The following NAALADL2 variants were observed in gnomAD, a reference collection of about 807,000 sequenced individuals.
NAALADL2 encodes the protein N-acetylated alpha-linked acidic dipeptidase like 2.
NAALADL2 carries 76 observed loss-of-function variants against 87.2 expected under a neutral mutation model. The ratio of observed to expected loss-of-function variants is 0.87; its 90% CI spans 0.72 to 1.05. The LOEUF (loss-of-function observed/expected upper bound fraction) is 1.05, where lower values mean the gene tolerates loss of function less well. Among genes scored for constraint, NAALADL2 ranks in the 50% least tolerant of loss-of-function variants. The pLI, the probability that NAALADL2 is intolerant of heterozygous loss-of-function variation, is 0.00. For synonymous variants in NAALADL2, 354 were observed against 331.0 expected, an observed-to-expected ratio of 1.07 and a Z score of -0.75; for missense variants, 1,089 against 945.8, an observed-to-expected ratio of 1.15 and a Z score of -1.99.
rs1413213261 is a variant in NAALADL2, at chr3:174,508,118, T to TTTTTTTTTTGTTTG, written c.-183-42442_-183-42441insGTTTGTTTTTTTTT. Among the ~76,000 whole-genome samples, 4 of 141,374 alleles carry TTTTTTTTTTGTTTG rather than the reference T, an allele frequency of 2.8e-5. 1 individual carries two copies. Among genetic ancestry groups the TTTTTTTTTTGTTTG allele is most frequent in the African/African-American group, 1.1e-4 (4 of 38,088 alleles). 92.7% of individuals were successfully genotyped at this position (141,374 alleles called of 152,430 possible). A position where few individuals can be genotyped will look rare whatever the true frequency, so the allele number is the denominator to read the frequency against. On this transcript the variant is annotated intron_variant, in intron 1 of 3. Transcript: ENST00000434257. ...TTAGCTATTGGATATCTAGTGGTTT[T>TTTTTTTTTTGTTTG]TTTTTTTTTTTTTGAGACGAAGTCT...
chr3:174,550,317 G>T (rs189907450), intron 1 of NAALADL2, among the ~76,000 whole-genome samples: 14 of 151,900 alleles, frequency 9.2e-5, no homozygotes, highest in African/African-American at 3.4e-4. Context: ...TAAAAAATAT[G>T]GGGAAAAATC....
At chr3:175,059,829 TG>T in intron 1 of NAALADL2, 1 of 313,120 alleles carries the variant, frequency 3.2e-6, no homozygotes, top group East Asian at 9.8e-5. Context: ...CCTGGAAGGC[TG>T]GCCTTTTCTT....
chr3:175,218,133 T>C (rs1216407636), intron 2 of NAALADL2: 1 of 446,420 alleles, frequency 2.2e-6, no homozygotes. Flanking sequence ...GGTAATCAGC[T>C]TATTATTTAT....
intron 5 of NAALADL2, among the ~76,000 whole-genome samples, chr3:175,389,281 T>C (rs1581691211): frequency 6.6e-6 from 1 of 152,182 alleles, no homozygotes; most frequent in Non-Finnish European, 1.5e-5. Context: ...AATTTTATTA[T>C]TTTTAAATTC....
At chr3:175,771,365 T>C (rs1276092329) in intron 13 of NAALADL2, among the ~76,000 whole-genome samples, 1 of 152,190 alleles carries the variant, frequency 6.6e-6, no homozygotes, top group Non-Finnish European at 1.5e-5. Context: ...ATTTTACTTA[T>C]TTCATAAAAT....
chr3:175,264,992 T>A (rs1560257579), intron 4 of NAALADL2, among the ~76,000 whole-genome samples: 1 of 151,730 alleles, frequency 6.6e-6, no homozygotes, highest in East Asian at 1.9e-4. Flanking sequence ...AATAATATAA[T>A]ACATGTAAGT....
At chr3:175,182,550 G>GTT (rs1161831796) in intron 2 of NAALADL2, among the ~76,000 whole-genome samples, 767 of 69,458 alleles carry the variant, frequency 0.011, 125 homozygotes, top group African/African-American at 0.032. Context: ...ACCACAGCCA[G>GTT]TTTTTTTTTT....
At chr3:175,474,250 A>C (rs957029287) in intron 9 of NAALADL2, among the ~76,000 whole-genome samples, 4 of 152,216 alleles carry the variant, frequency 2.6e-5, no homozygotes, top group Non-Finnish European at 5.9e-5. Context: ...AAAAGATTTC[A>C]TCAAGTTCAT....
At chr3:175,480,067 C>A (rs915400483) in intron 9 of NAALADL2, among the ~76,000 whole-genome samples, 2 of 151,384 alleles carry the variant, frequency 1.3e-5, no homozygotes, top group South Asian at 4.2e-4. Flanking sequence ...TAAAGTAATT[C>A]ATTCATAAAT....
At position 175,255,264 on chromosome 3, in the gene NAALADL2, T is replaced by C. The variant is rs545569096; in HGVS notation, c.820-1147T>C. On this transcript the variant is annotated intron_variant, in intron 3 of 13. Transcript: ENST00000454872. Reference sequence around the variant, plus strand: ...GAAGAAATATTTCATGCCAGAAATATTTTCTCTAACAGATTTACAGATCTC... The same window carrying C: ...GAAGAAATATTTCATGCCAGAAATACTTTCTCTAACAGATTTACAGATCTC... Among the ~76,000 whole-genome samples the C allele has an allele frequency of 2.6e-5, 4 of 152,318 alleles. No individual in the cohort carries two copies. In the South Asian group the frequency reaches 8.3e-4, roughly 32 times the overall value.
intron 9 of NAALADL2, among the ~76,000 whole-genome samples, chr3:175,545,715 A>T (rs912688768): frequency 6.6e-6 from 1 of 152,184 alleles, no homozygotes; most frequent in African/African-American, 2.4e-5. Flanking sequence ...GCTTAATAAA[A>T]GTTGAACCAA....
intron 1 of NAALADL2, among the ~76,000 whole-genome samples, chr3:175,024,426 G>A (rs116131688): frequency 2.5e-3 from 377 of 152,106 alleles, no homozygotes; most frequent in African/African-American, 8.4e-3. Context: ...AGGGCAAAGC[G>A]GATGCTTTGT....
chr3:175,466,931 T>G (rs1365365696), intron 7 of NAALADL2, 48 bp from the exon 8 acceptor site: 2 of 1,402,036 alleles, frequency 1.4e-6, no homozygotes. Context: ...AAATTTATTG[T>G]TAAGGTTTAC....
intron 5 of NAALADL2, among the ~76,000 whole-genome samples, chr3:175,392,928 A>G (rs1438910022): frequency 6.6e-6 from 1 of 152,176 alleles, no homozygotes; most frequent in Non-Finnish European, 1.5e-5. Context: ...AAGACTACAA[A>G]TCAAAATCTT....
chr3:175,645,809 G>A (rs1729930892), intron 11 of NAALADL2, among the ~76,000 whole-genome samples: 2 of 152,038 alleles, frequency 1.3e-5, no homozygotes, highest in Non-Finnish European at 2.9e-5. Context: ...CAGTGTGAAA[G>A]GGTTCTAAAA....
rs981244898 is a variant in NAALADL2, at chr3:175,468,211, T to A, written c.1533+1027T>A. 3.9e-5 allele frequency among the ~76,000 whole-genome samples: 6 copies of A among 152,054 alleles called. No homozygotes were observed. The East Asian group carries it at 5.8e-4, about 15-fold the overall frequency. On this transcript the variant is annotated intron_variant, in intron 8 of 13. Coordinates refer to ENST00000454872, the MANE Select transcript of NAALADL2 (RefSeq NM_207015.3). Reference sequence around the variant, plus strand: ...AAGAATAGACTTAAAGATGAAAAAATTTTTTCAGTGTAAAATTCATCAAGA... The same window carrying A: ...AAGAATAGACTTAAAGATGAAAAAAATTTTTCAGTGTAAAATTCATCAAGA...
At chr3:175,349,946 A>G (rs1362313311) in intron 5 of NAALADL2, among the ~76,000 whole-genome samples, 1 of 151,124 alleles carries the variant, frequency 6.6e-6, no homozygotes, top group African/African-American at 2.4e-5. Context: ...GAAAGACATG[A>G]CTGTCATTAA....
At chr3:175,254,187 A>C (rs949260640) in intron 3 of NAALADL2, among the ~76,000 whole-genome samples, 1 of 152,142 alleles carries the variant, frequency 6.6e-6, no homozygotes, top group African/African-American at 2.4e-5. Flanking sequence ...TGATGTGGCA[A>C]ACTTCACTGT....
At chr3:175,733,076 GTTCT>G (rs1744006137) in intron 11 of NAALADL2, among the ~76,000 whole-genome samples, 2 of 152,044 alleles carry the variant, frequency 1.3e-5, no homozygotes, top group African/African-American at 2.4e-5. Flanking sequence ...TAAAAAAGGG[GTTCT>G]TTCTTCTCTT....
Sources: gnomAD v4.1 joint callset for allele counts (sites outside exome capture counted in the v4.1 genomes callset) on GRCh38, gnomAD v4.1.1 for gene constraint, MANE v1.5 for transcripts, NCBI Gene and HGNC (gene_info 2026-07-23, HGNC 2026-07-21) for gene names.